Variants in CNTLN observed in about 807,000 individuals in gnomAD.
CNTLN encodes the protein centlein.
A neutral mutation model predicts 180.0 loss-of-function variants in CNTLN; 212 were observed. The observed-to-expected ratio is 1.18, with a 90% CI of 1.05 to 1.32. CNTLN has a LOEUF of 1.32. Ranked by LOEUF, CNTLN falls within the 40% of genes most tolerant of loss-of-function variation. The pLI is 0.00. For synonymous variants in CNTLN, 722 were observed against 563.1 expected, an observed-to-expected ratio of 1.28 and a Z score of -3.99; for missense variants, 2,095 against 1,610.9, an observed-to-expected ratio of 1.30 and a Z score of -5.14.
At chr9:17,365,531 A>G (rs1464603819) in intron 12 of CNTLN, among the ~76,000 whole-genome samples, 2 of 152,210 alleles carry the variant, frequency 1.3e-5, no homozygotes, top group Non-Finnish European at 2.9e-5. Context: ...AATACTCACA[A>G]TGGTAGCTCA....
chr9:17,151,686 G>A (rs1818892280), intron 2 of CNTLN, among the ~76,000 whole-genome samples: 4 of 152,174 alleles, frequency 2.6e-5, no homozygotes, highest in Admixed American at 2.6e-4. Context: ...AAATGAGTTA[G>A]GGAGGAGTCC....
chr9:17,226,232 G>T lies in CNTLN; in HGVS notation c.479G>T (p.Arg160Ile). ...AAACAGAAATCTGAAGCTAAAGACA[G>T]AAAAGTTCTAGAAATTCTGCAAGTC... is the stretch of plus-strand genomic sequence containing the variant. ...REKQKSEAKDRKVLEILQVKD... is the reference protein window; with the variant it reads ...REKQKSEAKDIKVLEILQVKD... The change falls in exon 3 of 26, where the codon AGA (arginine) becomes ATA (isoleucine). Residue 160 changes from arginine (R) to isoleucine (I), a missense_variant. Arg to Ile is a moderately conservative substitution (Grantham distance 97, BLOSUM62 -3). Transcript: ENST00000380647. 6.3e-7 allele frequency: 1 copy of T among 1,580,710 alleles called. No individual in the cohort carries two copies. The highest frequency in any genetic ancestry group is 1.2e-5 in the South Asian group (1 of 84,434).
intron 23 of CNTLN, among the ~76,000 whole-genome samples, chr9:17,472,000 A>G (rs550396050): frequency 6.6e-6 from 1 of 152,258 alleles, no homozygotes; most frequent in African/African-American, 2.4e-5. Context: ...AGCACAGTGA[A>G]GGCTCTACTA....
downstream of CNTLN, among the ~76,000 whole-genome samples, chr9:17,508,708 C>G (rs564983077): frequency 2.0e-5 from 3 of 152,260 alleles, no homozygotes; most frequent in South Asian, 6.2e-4. Context: ...AGCATAATGT[C>G]CTTGAAATCC....
intron 18 of CNTLN, among the ~76,000 whole-genome samples, chr9:17,419,412 C>G (rs1042362369): frequency 6.6e-6 from 1 of 152,072 alleles, no homozygotes; most frequent in African/African-American, 2.4e-5. Context: ...TCCGTTGCCA[C>G]AGGTGTAAAG....
chr9:17,354,519 A>C (rs980191442), intron 12 of CNTLN, among the ~76,000 whole-genome samples: 1 of 152,156 alleles, frequency 6.6e-6, no homozygotes, highest in African/African-American at 2.4e-5. Context: ...CCCTGTGTTT[A>C]GCTCAAGGTT....
intron 5 of CNTLN, among the ~76,000 whole-genome samples, chr9:17,238,145 T>A (rs189036260): frequency 5.8e-4 from 88 of 152,298 alleles, no homozygotes; most frequent in East Asian, 3.5e-3. Context: ...TTTTTGGGCA[T>A]TCATTACTTA....
At chr9:17,366,867 G>A (rs1823866288) in intron 13 of CNTLN, 150 bp downstream of exon 13, 4 of 523,006 alleles carry the variant, frequency 7.6e-6, no homozygotes, top group Non-Finnish European at 1.4e-5. Flanking sequence ...TTTTCATCCT[G>A]AGAAAATTAA....
intron 3 of CNTLN, among the ~76,000 whole-genome samples, chr9:17,234,657 G>A (rs1485475113): frequency 6.6e-6 from 1 of 151,722 alleles, no homozygotes; most frequent in Admixed American, 6.6e-5. Flanking sequence ...ATGGAATAAA[G>A]GTCAACTGAG....
At chr9:17,160,244 G>A (rs1819586600) in intron 2 of CNTLN, among the ~76,000 whole-genome samples, 1 of 151,976 alleles carries the variant, frequency 6.6e-6, no homozygotes, top group South Asian at 2.1e-4. Flanking sequence ...TGAACTCTAA[G>A]GGCCATTTTA....
intron 10 of CNTLN, 95 bp from the exon 11 acceptor site, chr9:17,340,732 T>C (rs1468282511): frequency 1.3e-4 from 139 of 1,080,952 alleles, no homozygotes; most frequent in Non-Finnish European, 1.7e-4. Flanking sequence ...CTATTTTCTT[T>C]CAAATTTCAT....
At chr9:17,138,382 G>A (rs1817862983) in intron 1 of CNTLN, among the ~76,000 whole-genome samples, 1 of 152,114 alleles carries the variant, frequency 6.6e-6, no homozygotes, top group Non-Finnish European at 1.5e-5. Flanking sequence ...GTATTTAAAT[G>A]AAATATGAAA....
At chr9:17,232,237 T>C (rs1285560833) in intron 3 of CNTLN, among the ~76,000 whole-genome samples, 1 of 152,056 alleles carries the variant, frequency 6.6e-6, no homozygotes, top group African/African-American at 2.4e-5. Flanking sequence ...TTGTCTAACT[T>C]ATTTTCTTTA....
chr9:17,387,568 A>G (rs1411839948), intron 13 of CNTLN, among the ~76,000 whole-genome samples: 3 of 152,134 alleles, frequency 2.0e-5, no homozygotes, highest in African/African-American at 4.8e-5. Context: ...TAGTGTAGGA[A>G]TGATTTGTAG....
chr9:17,247,455 C>T lies in CNTLN; in HGVS notation c.849+10867C>T, dbSNP rs141794942. ...GTTCCACAGTCCCTGTGCTCTGCCT[C>T]TCCCAATAACACAATTTCTGTCTCT... On this transcript the variant is annotated intron_variant, in intron 5 of 25. Transcript: ENST00000380647. Among the ~76,000 whole-genome samples, 696 of 152,316 alleles carry T rather than the reference C, an allele frequency of 4.6e-3. 4 individuals carry two copies. Among genetic ancestry groups the T allele is most frequent in the Middle Eastern group, 0.014 (4 of 294 alleles).
At chr9:17,177,167 T>A (rs1408519174) in intron 2 of CNTLN, among the ~76,000 whole-genome samples, 2 of 152,186 alleles carry the variant, frequency 1.3e-5, no homozygotes, top group African/African-American at 4.8e-5. Flanking sequence ...CCCAGCACTT[T>A]GGGAGGCTGA....
At chr9:17,405,191 T>C (rs537066846) in intron 15 of CNTLN, among the ~76,000 whole-genome samples, 3 of 151,832 alleles carry the variant, frequency 2.0e-5, no homozygotes, top group Admixed American at 2.0e-4. Flanking sequence ...ATTTTCTTCT[T>C]CTCACTGATA....
intron 2 of CNTLN, among the ~76,000 whole-genome samples, chr9:17,164,691 C>T (rs1677210817): frequency 6.6e-6 from 1 of 151,608 alleles, no homozygotes; most frequent in Admixed American, 6.6e-5. Flanking sequence ...AGGTGATCTG[C>T]CTGCCTTAGC....
Position 17,494,675 on chromosome 9 carries a change from A to G in CNTLN, c.4119+7609A>G, listed in dbSNP as rs1260877267. On this transcript the variant is annotated intron_variant, in intron 25 of 25. Transcript: ENST00000380647. Reference sequence around the variant, plus strand: ...TGCTAAGGGTATAATGGAGCTGAAAAATTCTTATCCACAAGTGACACTGTA... The same window carrying G: ...TGCTAAGGGTATAATGGAGCTGAAAGATTCTTATCCACAAGTGACACTGTA... Among the ~76,000 whole-genome samples the G allele has an allele frequency of 2.0e-5, 3 of 152,022 alleles. No homozygotes were observed. The East Asian group carries it at 5.8e-4, about 29-fold the overall frequency.
Sources: allele counts gnomAD v4.1 joint callset (sites outside exome capture counted in the v4.1 genomes callset), GRCh38; gene constraint gnomAD v4.1.1; transcripts MANE v1.5; gene names NCBI Gene and HGNC (gene_info 2026-07-23, HGNC 2026-07-21).